LDLRAD4: variants seen among roughly 807,000 people sequenced by gnomAD.
The protein encoded by LDLRAD4 is low-density lipoprotein receptor class A domain-containing protein 4.
In LDLRAD4, 5 loss-of-function variants were observed where a neutral mutation model predicts 17.0. The observed-to-expected ratio is 0.29, with a 90% CI of 0.15 to 0.62. The LOEUF is 0.62. Among genes scored for constraint, LDLRAD4 ranks in the 20% least tolerant of loss-of-function variants. The probability of loss-of-function intolerance (pLI) is 0.84; values close to 1 mark genes in which losing one functional copy is unlikely to be tolerated. For missense variants in LDLRAD4, 340 were observed against 424.7 expected, an observed-to-expected ratio of 0.80 and a Z score of 1.75; for synonymous variants, 168 against 171.8, an observed-to-expected ratio of 0.98 and a Z score of 0.17.
At position 13,569,480 on chromosome 18, in the gene LDLRAD4, G is replaced by T. The variant is rs1036324282; in HGVS notation, c.182-51637G>T. On this transcript the variant is annotated intron_variant, in intron 3 of 5. Transcript: ENST00000359446. Reference sequence around the variant, plus strand: ...TTACTTTAAAATGAATTGCTTTTATGTGTCTTTCAAGGAAAAAAATATTCT... The same window carrying T: ...TTACTTTAAAATGAATTGCTTTTATTTGTCTTTCAAGGAAAAAAATATTCT... 2.6e-5 allele frequency among the ~76,000 whole-genome samples: 4 copies of T among 152,308 alleles called. No homozygotes were observed. In the East Asian group the frequency reaches 7.7e-4, roughly 29 times the overall value.
chr18:13,450,598 G>C (rs1037932692), intron 3 of LDLRAD4, among the ~76,000 whole-genome samples: 1 of 152,210 alleles, frequency 6.6e-6, no homozygotes, highest in East Asian at 1.9e-4. Flanking sequence ...GGCTGCAGGG[G>C]CTAGGTGACA....
chr18:13,406,718 T>C (rs1176560616), intron 2 of LDLRAD4, among the ~76,000 whole-genome samples: 1 of 152,150 alleles, frequency 6.6e-6, no homozygotes, highest in African/African-American at 2.4e-5. Context: ...GGCCGACTCC[T>C]ACTAGGCCTG....
chr18:13,451,393 C>T (rs918590305), intron 3 of LDLRAD4, among the ~76,000 whole-genome samples: 5 of 152,196 alleles, frequency 3.3e-5, no homozygotes, highest in South Asian at 2.1e-4. Context: ...GCACCTCCCC[C>T]CTCACTCCTT....
chr18:13,245,928 A>G (rs138212974), intron 1 of LDLRAD4, among the ~76,000 whole-genome samples: 2 of 152,348 alleles, frequency 1.3e-5, no homozygotes, highest in Non-Finnish European at 2.9e-5. Flanking sequence ...TGCACAGAGC[A>G]TCACTCGGGG....
Position 13,253,830 on chromosome 18 carries a change from C to G in LDLRAD4, c.-466-24275C>G, listed in dbSNP as rs921056926. The stretch of plus-strand genomic sequence containing the variant: ...CCCTCAGATGTCACTGAACAGGAAG[C>G]TGCCGGGTGAGTTTTTGATAACAAA... On this transcript the variant is annotated intron_variant, in intron 1 of 5. Coordinates refer to the LDLRAD4 transcript ENST00000399848. Among the ~76,000 whole-genome samples, 26 of 152,222 alleles carry G rather than the reference C, an allele frequency of 1.7e-4. 1 individual carries two copies. Among genetic ancestry groups the G allele is most frequent in the Admixed American group, 1.5e-3 (23 of 15,284 alleles).
At chr18:13,344,282 G>A (rs374768735) in intron 1 of LDLRAD4, among the ~76,000 whole-genome samples, 1 of 152,166 alleles carries the variant, frequency 6.6e-6, no homozygotes, top group Non-Finnish European at 1.5e-5. Context: ...AAGAGATCCA[G>A]TTTCAGCTTT....
chr18:13,598,709 C>G (rs2095124053), intron 3 of LDLRAD4, among the ~76,000 whole-genome samples: 1 of 152,182 alleles, frequency 6.6e-6, no homozygotes, highest in Non-Finnish European at 1.5e-5. Flanking sequence ...ACATACTGTT[C>G]TAAATAAAGT....
At chr18:13,469,131 A>C (rs1325332531) in intron 3 of LDLRAD4, among the ~76,000 whole-genome samples, 1 of 152,350 alleles carries the variant, frequency 6.6e-6, no homozygotes, top group East Asian at 1.9e-4. Flanking sequence ...AAATGAAAAC[A>C]TACCAAGTAT....
At chr18:13,407,568 C>T (rs923596369) in intron 2 of LDLRAD4, among the ~76,000 whole-genome samples, 2 of 152,234 alleles carry the variant, frequency 1.3e-5, no homozygotes, top group African/African-American at 4.8e-5. Context: ...ACCAAGGTTA[C>T]CTGAGGGTAC....
intron 2 of LDLRAD4, among the ~76,000 whole-genome samples, chr18:13,406,951 T>G (rs2087820800): frequency 6.6e-6 from 1 of 152,006 alleles, no homozygotes. Context: ...AGCAATAAAA[T>G]GAGGTGACTG....
chr18:13,370,187 C>T (rs901937576), intron 1 of LDLRAD4, among the ~76,000 whole-genome samples: 4 of 152,252 alleles, frequency 2.6e-5, no homozygotes, highest in African/African-American at 4.8e-5. Context: ...TGCGCCAGCA[C>T]ACATTCATAC....
At chr18:13,458,956 C>T (rs2092287703) in intron 3 of LDLRAD4, among the ~76,000 whole-genome samples, 1 of 152,174 alleles carries the variant, frequency 6.6e-6, no homozygotes, top group African/African-American at 2.4e-5. Context: ...TCTGCCACCT[C>T]CTTGATTTTC....
intron 2 of LDLRAD4, among the ~76,000 whole-genome samples, chr18:13,412,670 G>A (rs2088489887): frequency 6.6e-6 from 1 of 152,154 alleles, no homozygotes; most frequent in Non-Finnish European, 1.5e-5. Context: ...TTACGGTGGT[G>A]AGAAAAGGAT....
In LDLRAD4 at chr18:13,396,210, A is replaced by G. The variant is rs115247860; in HGVS notation, c.40+8448A>G. Among the ~76,000 whole-genome samples, 897 of 152,306 alleles carry G rather than the reference A, an allele frequency of 5.9e-3. 8 individuals are homozygous for G. The highest frequency in any genetic ancestry group is 0.02 in the African/African-American group (846 of 41,564). On this transcript the variant is annotated intron_variant, in intron 2 of 5. Transcript: ENST00000359446. ...AGAATACTCCAGGGTGGTGTGAGAAAGACATCTCCTGGTTCAAGATTTCCT... is the reference window on the plus strand; with the variant it reads ...AGAATACTCCAGGGTGGTGTGAGAAGGACATCTCCTGGTTCAAGATTTCCT...
At chr18:13,408,195 G>A (rs1267937997) in intron 2 of LDLRAD4, among the ~76,000 whole-genome samples, 2 of 151,980 alleles carry the variant, frequency 1.3e-5, no homozygotes, top group African/African-American at 4.8e-5. Flanking sequence ...GCAACATGGC[G>A]AAACCCCGTC....
rs575107351 is a variant in LDLRAD4, at chr18:13,584,859, G to A, written c.182-36258G>A. Reference sequence around the variant, plus strand: ...TCCAAATGAAGTGATTAACTTCTGCGGTAAACTTCCTCTTGTCCAGGCTCC... The same window carrying A: ...TCCAAATGAAGTGATTAACTTCTGCAGTAAACTTCCTCTTGTCCAGGCTCC... On this transcript the variant is annotated intron_variant, in intron 3 of 5. Transcript: ENST00000359446. 5.9e-5 allele frequency among the ~76,000 whole-genome samples: 9 copies of A among 152,274 alleles called. No individual in the cohort carries two copies. The South Asian group carries it at 8.3e-4, about 14-fold the overall frequency.
intron 3 of LDLRAD4, among the ~76,000 whole-genome samples, chr18:13,496,967 A>G (rs1041500801): frequency 6.6e-6 from 1 of 152,230 alleles, no homozygotes; most frequent in Non-Finnish European, 1.5e-5. Flanking sequence ...ATGACCTTTC[A>G]TTAGCTTAAC....
At chr18:13,530,585 G>A (rs1195261732) in intron 3 of LDLRAD4, among the ~76,000 whole-genome samples, 1 of 152,270 alleles carries the variant, frequency 6.6e-6, no homozygotes, top group East Asian at 1.9e-4. Flanking sequence ...TCTCCCAGCA[G>A]AGAGAGGCGG....
Position 13,619,526 on chromosome 18 carries a change from G to A in LDLRAD4, c.182-1591G>A, listed in dbSNP as rs1231270121. Among the ~76,000 whole-genome samples the A allele has an allele frequency of 9.3e-5, 12 of 129,494 alleles. 1 individual carries two copies. Among genetic ancestry groups the A allele is most frequent in the East Asian group, 2.2e-4 (1 of 4,466 alleles). The allele number at this position is 129,494 out of a possible 152,430, so 85.0% of individuals were successfully genotyped here. ...TGGGGGGGTGGGGCCGGGGGGGGGC[G>A]GGGGTGGCACATATAAGTGTGGCAG... On this transcript the variant is annotated intron_variant, in intron 3 of 5. Transcript: ENST00000359446.
Sources: allele counts gnomAD v4.1 joint callset (sites outside exome capture counted in the v4.1 genomes callset), GRCh38; gene constraint gnomAD v4.1.1; transcripts MANE v1.5; gene names NCBI Gene and HGNC (gene_info 2026-07-23, HGNC 2026-07-21).